Variants in SEMA5A observed in about 807,000 individuals in gnomAD.
SEMA5A encodes the protein semaphorin-5A.
In SEMA5A, 55 loss-of-function variants were observed where a neutral mutation model predicts 135.5. The observed-to-expected ratio is 0.41, with a 90% CI of 0.33 to 0.51. The LOEUF (loss-of-function observed/expected upper bound fraction) is 0.51. Ranked by LOEUF, SEMA5A falls within the 20% of genes least tolerant of loss-of-function variation. SEMA5A has a pLI of 0.37. For missense variants in SEMA5A, 1,290 were observed against 1,419.9 expected, an observed-to-expected ratio of 0.91 and a Z score of 1.47; for synonymous variants, 580 against 546.5, an observed-to-expected ratio of 1.06 and a Z score of -0.85.
At chr5:9,446,974 A>G (rs1758457724) in intron 1 of SEMA5A, among the ~76,000 whole-genome samples, 1 of 152,248 alleles carries the variant, frequency 6.6e-6, no homozygotes, top group Non-Finnish European at 1.5e-5. Flanking sequence ...GCTGAGGCAG[A>G]CAAGTCTGTT....
intron 1 of SEMA5A, among the ~76,000 whole-genome samples, chr5:9,543,776 G>T (rs1738222181): frequency 6.6e-6 from 1 of 150,474 alleles, no homozygotes; most frequent in South Asian, 2.1e-4. Context: ...GAAACTCAAG[G>T]GAAAAAACAT....
intron 2 of SEMA5A, among the ~76,000 whole-genome samples, chr5:9,397,481 G>A (rs1244067603): frequency 6.6e-6 from 1 of 152,060 alleles, no homozygotes; most frequent in Non-Finnish European, 1.5e-5. Context: ...ACAGTGCCAG[G>A]TCCACTGCAA....
In SEMA5A at chr5:9,332,190, G is replaced by A. The variant is rs77766103; in HGVS notation, c.224+5523C>T. On this transcript the variant is annotated intron_variant, in intron 4 of 22. Transcript: ENST00000382496. ...CTGGTGCTTACATCATGTCAGATGT[G>A]CAAGGCATGCAGCTCTGGGCTGGTA... 7.2e-3 allele frequency among the ~76,000 whole-genome samples: 1,096 copies of A among 151,838 alleles called. 21 individuals are homozygous for A. Among genetic ancestry groups the A allele is most frequent in the African/African-American group, 0.024 (992 of 41,386 alleles).
At chr5:9,443,395 C>T (rs1050588813) in intron 1 of SEMA5A, among the ~76,000 whole-genome samples, 1 of 151,968 alleles carries the variant, frequency 6.6e-6, no homozygotes, top group Non-Finnish European at 1.5e-5. Flanking sequence ...AGAAAAACAC[C>T]CTAGAAGCAG....
intron 5 of SEMA5A, among the ~76,000 whole-genome samples, chr5:9,311,994 C>T (rs1393162893): frequency 6.6e-6 from 1 of 152,026 alleles, no homozygotes; most frequent in Non-Finnish European, 1.5e-5. Flanking sequence ...GGATTTGGAG[C>T]TATTTCCCAA....
intron 3 of SEMA5A, among the ~76,000 whole-genome samples, chr5:9,371,698 C>T (rs1323072897): frequency 6.6e-6 from 1 of 152,090 alleles, no homozygotes; most frequent in Non-Finnish European, 1.5e-5. Context: ...ATAAAACATC[C>T]AGTCATATGC....
intron 18 of SEMA5A, among the ~76,000 whole-genome samples, chr5:9,058,812 G>A (rs1579318140): frequency 1.3e-5 from 2 of 152,210 alleles, no homozygotes; most frequent in Admixed American, 1.3e-4. Flanking sequence ...CTGAGGTCTG[G>A]ACTACATAGG....
intron 17 of SEMA5A, among the ~76,000 whole-genome samples, chr5:9,064,829 T>C (rs1294207398): frequency 6.6e-6 from 1 of 152,254 alleles, no homozygotes; most frequent in Non-Finnish European, 1.5e-5. Context: ...GATATACTTG[T>C]ACTAGAAAAA....
intron 16 of SEMA5A, among the ~76,000 whole-genome samples, chr5:9,094,892 T>A (rs1739235738): frequency 6.6e-6 from 1 of 152,246 alleles, no homozygotes; most frequent in African/African-American, 2.4e-5. Flanking sequence ...TGACATGGAA[T>A]GTGAAGAGTG....
intron 5 of SEMA5A, among the ~76,000 whole-genome samples, chr5:9,251,828 A>T (rs1416422489): frequency 6.6e-6 from 1 of 152,204 alleles, no homozygotes; most frequent in African/African-American, 2.4e-5. Flanking sequence ...GATGGGGAAG[A>T]TGGCTGGTAC....
Position 9,125,288 on chromosome 5 carries a change from C to T in SEMA5A, c.1600-2451G>A, listed in dbSNP as rs113279356. ...ATCTATGTAAGAAACTGTGGCAAAA[C>T]GGACGGAATGGAGCTGCACCATCTG... On this transcript the variant is annotated intron_variant, in intron 13 of 22. Transcript: ENST00000382496. Among the ~76,000 whole-genome samples the T allele has an allele frequency of 5.0e-3, 754 of 152,240 alleles. 15 individuals carry two copies. The highest frequency in any genetic ancestry group is 0.029 in the Admixed American group (449 of 15,290).
chr5:9,099,561 T>A (rs1351296684), intron 16 of SEMA5A, among the ~76,000 whole-genome samples: 2 of 152,330 alleles, frequency 1.3e-5, no homozygotes, highest in Non-Finnish European at 2.9e-5. Flanking sequence ...GTCTTTAGCT[T>A]TCATGGAAAT....
At chr5:9,284,423 A>G (rs1226065315) in intron 5 of SEMA5A, among the ~76,000 whole-genome samples, 8 of 152,240 alleles carry the variant, frequency 5.3e-5, no homozygotes, top group African/African-American at 1.9e-4. Context: ...TTGCCTGAAA[A>G]GTATCAATGT....
chr5:9,153,470 A>T (rs1742748485), intron 12 of SEMA5A, among the ~76,000 whole-genome samples: 1 of 152,140 alleles, frequency 6.6e-6, no homozygotes, highest in South Asian at 2.1e-4. Flanking sequence ...CCCACGGAAG[A>T]TAAGACTGGC....
chr5:9,223,926 T>C (rs1747149428), intron 8 of SEMA5A, among the ~76,000 whole-genome samples: 2 of 152,182 alleles, frequency 1.3e-5, no homozygotes, highest in African/African-American at 4.8e-5. Context: ...GGCCCAGAAC[T>C]GAAAGAAGCC....
At chr5:9,450,674 T>C (rs1314137070) in intron 1 of SEMA5A, among the ~76,000 whole-genome samples, 1 of 152,084 alleles carries the variant, frequency 6.6e-6, no homozygotes, top group East Asian at 1.9e-4. Context: ...ACTGCCCAGT[T>C]TTCTATTTTA....
At position 9,177,842 on chromosome 5, in the gene SEMA5A, C is replaced by A. The variant is rs1744285332; in HGVS notation, c.1273+12425G>T. Among the ~76,000 whole-genome samples, 2 of 152,234 alleles carry A rather than the reference C, an allele frequency of 1.3e-5. 1 individual carries two copies. Among genetic ancestry groups the A allele is most frequent in the South Asian group, 4.1e-4 (2 of 4,834 alleles). On this transcript the variant is annotated intron_variant, in intron 11 of 22. Transcript: ENST00000382496. ...TACTGGAAATGGACACACGGGGACA[C>A]ATGTCAAGAATCACCATCCAACAGA...
intron 1 of SEMA5A, among the ~76,000 whole-genome samples, chr5:9,539,826 G>A (rs6882326): frequency 0.82 from 124,458 of 152,124 alleles, 50,964 homozygotes; most frequent in Middle Eastern, 0.85. Context: ...ATGCAAGGTC[G>A]TCAATTCATT....
chr5:9,456,974 T>G (rs1205924292), intron 1 of SEMA5A, among the ~76,000 whole-genome samples: 1 of 152,214 alleles, frequency 6.6e-6, no homozygotes, highest in Non-Finnish European at 1.5e-5. Context: ...TTCTCCATCA[T>G]GAACGTAACT....
Sources: allele counts gnomAD v4.1 joint callset (sites outside exome capture counted in the v4.1 genomes callset), GRCh38; gene constraint gnomAD v4.1.1; transcripts MANE v1.5; gene names NCBI Gene and HGNC (gene_info 2026-07-23, HGNC 2026-07-21).